The following ERC2 variants were observed in gnomAD, a reference collection of about 807,000 sequenced individuals.
ERC2 encodes ELKS/RAB6-interacting/CAST family member 2.
A neutral mutation model predicts 114.8 loss-of-function variants in ERC2; 42 were observed. The ratio of observed to expected loss-of-function variants is 0.37; its 90% CI spans 0.29 to 0.47. ERC2 has a LOEUF of 0.47. ERC2 is among the 20% of genes least tolerant of loss of function. ERC2 has a pLI of 0.99. For missense variants in ERC2, 939 were observed against 1,150.7 expected, an observed-to-expected ratio of 0.82 and a Z score of 2.66; for synonymous variants, 454 against 425.5, an observed-to-expected ratio of 1.07 and a Z score of -0.82.
chr3:56,311,270 TATATATATATATATATATATAC>T lies in ERC2; in HGVS notation c.658-14857_658-14836del, dbSNP rs1324498185. 7.4e-3 allele frequency among the ~76,000 whole-genome samples: 1,012 copies of T among 136,136 alleles called. 26 individuals carry two copies. The highest frequency in any genetic ancestry group is 0.025 in the African/African-American group (912 of 36,070). The allele number at this position is 136,136 out of a possible 152,430, so 89.3% of individuals were successfully genotyped here. ...CTCTCTCTCTCTATATATATATATATATATATATATATATATATATACACACATATATATAATTTTTTTTTTT... is the reference window on the plus strand; with the variant it reads ...CTCTCTCTCTCTATATATATATATATACACATATATATAATTTTTTTTTTT... On this transcript the variant is annotated intron_variant, in intron 2 of 17. Transcript: ENST00000288221.
chr3:56,060,339 T>G (rs1362861415), intron 7 of ERC2, among the ~76,000 whole-genome samples: 1 of 152,214 alleles, frequency 6.6e-6, no homozygotes, highest in Non-Finnish European at 1.5e-5. Context: ...TCCACAGCAA[T>G]TATCTGTACT....
intron 13 of ERC2, among the ~76,000 whole-genome samples, chr3:55,919,073 A>C (rs2065266799): frequency 6.6e-6 from 1 of 152,170 alleles, no homozygotes; most frequent in Non-Finnish European, 1.5e-5. Context: ...ATTACCAAAA[A>C]ATGGATATTT....
chr3:56,465,714 TTATTA>T (rs1452547620), intron 1 of ERC2, among the ~76,000 whole-genome samples: 1 of 152,236 alleles, frequency 6.6e-6, no homozygotes, highest in African/African-American at 2.4e-5. Flanking sequence ...AATTTTTATT[TTATTA>T]TGTGTTATAT....
intron 3 of ERC2, among the ~76,000 whole-genome samples, chr3:56,188,672 A>G (rs2083788410): frequency 6.6e-6 from 1 of 152,204 alleles, no homozygotes; most frequent in Non-Finnish European, 1.5e-5. Context: ...CTTGTAGTAT[A>G]AAATGCTGAG....
chr3:55,697,885 T>C (rs1316598702), intron 16 of ERC2, among the ~76,000 whole-genome samples: 2 of 151,676 alleles, frequency 1.3e-5, no homozygotes, highest in African/African-American at 2.4e-5. Context: ...TCTGGGAGAA[T>C]GCCAAGGAGA....
intron 6 of ERC2, among the ~76,000 whole-genome samples, chr3:56,125,262 T>G (rs151055891): frequency 9.8e-4 from 149 of 152,278 alleles, no homozygotes; most frequent in Middle Eastern, 3.4e-3. Context: ...AGGCTTATGT[T>G]TTACTCATCA....
intron 6 of ERC2, among the ~76,000 whole-genome samples, chr3:56,138,264 G>A (rs1340187518): frequency 1.3e-5 from 2 of 151,974 alleles, no homozygotes; most frequent in African/African-American, 4.8e-5. Flanking sequence ...GTTTCACCGT[G>A]TTTGCCAGGA....
At chr3:56,193,742 C>A (rs547831488) in intron 3 of ERC2, among the ~76,000 whole-genome samples, 2 of 152,164 alleles carry the variant, frequency 1.3e-5, no homozygotes, top group Non-Finnish European at 2.9e-5. Context: ...AACAGAGAAA[C>A]CTGAGGCCCA....
At chr3:56,154,652 C>A (rs866788030) in intron 4 of ERC2, among the ~76,000 whole-genome samples, 45 of 152,204 alleles carry the variant, frequency 3.0e-4, no homozygotes, top group Non-Finnish European at 5.9e-4. Context: ...AGAAAAAGAG[C>A]TAAATCTAAA....
chr3:56,007,211 T>C lies in ERC2; in HGVS notation c.2031A>G (p.Glu677=), dbSNP rs760756388. 1.3e-6 allele frequency: 2 copies of C among 1,575,894 alleles called. No homozygotes were observed. The highest frequency in any genetic ancestry group is 2.3e-5 in the East Asian group (1 of 43,730). Residue 677 remains glutamate (E), a synonymous_variant, in exon 10 of 18, where the codon GAA becomes GAG. Transcript: ENST00000288221. ...TTAACTGTGCTTCCAATTTGCTACA[T>C]TCCTCTTTCTTTTGTTCAATGGCTA... ...LEIAIEQKKE[E]CSKLEAQLKK...
Position 56,428,229 on chromosome 3 carries a change from T to C in ERC2, c.657+6122A>G, listed in dbSNP as rs774986354. ...ACATAGTTGAATGACCCTGTTGAAA[T>C]GGCCCTGCAGGCTGGGGGCGGTGGC... On this transcript the variant is annotated intron_variant, in intron 2 of 17. Transcript: ENST00000288221. 3.9e-5 allele frequency among the ~76,000 whole-genome samples: 6 copies of C among 152,190 alleles called. No individual in the cohort carries two copies. In the South Asian group the frequency reaches 8.3e-4, roughly 21 times the overall value.
intron 17 of ERC2, among the ~76,000 whole-genome samples, chr3:55,577,225 T>C (rs2057029819): frequency 6.6e-6 from 1 of 151,942 alleles, no homozygotes; most frequent in African/African-American, 2.4e-5. Context: ...TCCCACTGCA[T>C]TGCTACTTTT....
chr3:55,710,661 C>T (rs1266404657), intron 15 of ERC2, among the ~76,000 whole-genome samples: 2 of 152,232 alleles, frequency 1.3e-5, no homozygotes, highest in African/African-American at 2.4e-5. Context: ...TGAATCTGAA[C>T]AAAAATAGAT....
At chr3:56,429,247 G>T (rs540058401) in intron 2 of ERC2, among the ~76,000 whole-genome samples, 1 of 152,162 alleles carries the variant, frequency 6.6e-6, no homozygotes, top group South Asian at 2.1e-4. Flanking sequence ...CCCAACAGTT[G>T]TATCCACCCT....
At chr3:55,813,366 T>C (rs1049803623) in intron 14 of ERC2, among the ~76,000 whole-genome samples, 1 of 152,214 alleles carries the variant, frequency 6.6e-6, no homozygotes, top group Admixed American at 6.5e-5. Context: ...AGCAAGTGGT[T>C]ACCCTCCTGG....
chr3:56,381,383 G>A (rs917327192), intron 2 of ERC2, among the ~76,000 whole-genome samples: 1 of 152,088 alleles, frequency 6.6e-6, no homozygotes, highest in Non-Finnish European at 1.5e-5. Context: ...GCAGTGAGCT[G>A]TATAGAATCT....
At chr3:55,922,442 G>C (rs1173489582) in intron 13 of ERC2, among the ~76,000 whole-genome samples, 1 of 151,880 alleles carries the variant, frequency 6.6e-6, no homozygotes, top group Non-Finnish European at 1.5e-5. Context: ...ACACACTTTT[G>C]GTCTCTCTGT....
intron 2 of ERC2, among the ~76,000 whole-genome samples, chr3:56,354,105 C>A (rs2058656126): frequency 6.6e-6 from 1 of 152,160 alleles, no homozygotes; most frequent in Admixed American, 6.5e-5. Context: ...TTTTTACGAT[C>A]TTCTGAATGA....
chr3:56,329,832 T>A (rs1035497775), intron 2 of ERC2, among the ~76,000 whole-genome samples: 1 of 151,516 alleles, frequency 6.6e-6, no homozygotes, highest in Admixed American at 6.6e-5. Context: ...TTCCACCATA[T>A]ATATATTTCC....
Sources: gnomAD v4.1 joint callset for allele counts (sites outside exome capture counted in the v4.1 genomes callset) on GRCh38, gnomAD v4.1.1 for gene constraint, MANE v1.5 for transcripts, NCBI Gene and HGNC (gene_info 2026-07-23, HGNC 2026-07-21) for gene names.